Variants in CA10 observed in about 807,000 individuals in gnomAD.
The protein encoded by CA10 is carbonic anhydrase-related protein 10.
Under a neutral mutation model 44.2 loss-of-function variants are expected in CA10, and 14 were observed. The observed-to-expected ratio is 0.32, with a 90% CI of 0.21 to 0.50. The LOEUF (loss-of-function observed/expected upper bound fraction) is 0.50. Ranked by LOEUF, CA10 falls within the 20% of genes least tolerant of loss-of-function variation. The pLI, the probability that CA10 is intolerant of heterozygous loss-of-function variation, is 0.99. For synonymous variants in CA10, 159 were observed against 141.6 expected, an observed-to-expected ratio of 1.12 and a Z score of -0.87; for missense variants, 350 against 409.7, an observed-to-expected ratio of 0.85 and a Z score of 1.26.
chr17:51,748,008 A>G (rs1015799450), intron 3 of CA10, among the ~76,000 whole-genome samples, 190 bp from the exon 4 acceptor site: 3 of 152,230 alleles, frequency 2.0e-5, no homozygotes, highest in Non-Finnish European at 4.4e-5. Context: ...TCTGTGAGGC[A>G]TAAACCACAT....
chr17:52,135,314 A>T (rs558083864), intron 1 of CA10, among the ~76,000 whole-genome samples: 63 of 152,210 alleles, frequency 4.1e-4, no homozygotes, highest in Admixed American at 3.7e-3. Flanking sequence ...CTGAGAAAAG[A>T]CCACTGACCA....
intron 3 of CA10, among the ~76,000 whole-genome samples, chr17:51,771,326 T>A (rs577171252): frequency 6.6e-6 from 1 of 152,150 alleles, no homozygotes; most frequent in African/African-American, 2.4e-5. Context: ...AATGTTACAC[T>A]TGTTTTATAG....
At chr17:52,082,652 T>A (rs1298678975) in intron 1 of CA10, among the ~76,000 whole-genome samples, 14 of 152,198 alleles carry the variant, frequency 9.2e-5, no homozygotes, top group Non-Finnish European at 1.8e-4. Flanking sequence ...GTAAAAAATG[T>A]TATAACAATC....
At chr17:51,650,311 CAG>C (rs1489987159) in intron 5 of CA10, among the ~76,000 whole-genome samples, 1 of 152,170 alleles carries the variant, frequency 6.6e-6, no homozygotes, top group Non-Finnish European at 1.5e-5. Context: ...ATTTATGTCT[CAG>C]TGGCTAATCG....
At chr17:51,950,935 C>A (rs1000548701) in intron 2 of CA10, among the ~76,000 whole-genome samples, 6 of 152,086 alleles carry the variant, frequency 3.9e-5, no homozygotes, top group Non-Finnish European at 8.8e-5. Flanking sequence ...TTAGTAGGCA[C>A]CCAGGTACCT....
Position 51,631,444 on chromosome 17 carries a change from C to T in CA10, c.*140G>A. 1.2e-6 allele frequency: 1 copy of T among 809,218 alleles called. No individual in the cohort carries two copies. Among genetic ancestry groups the T allele is most frequent in the Non-Finnish European group, 2.1e-6 (1 of 470,870 alleles). 50.1% of individuals were successfully genotyped at this position (809,218 alleles called of 1,614,324 possible). A position where few individuals can be genotyped will look rare whatever the true frequency, so the allele number is the denominator to read the frequency against. On this transcript the variant is annotated 3_prime_UTR_variant, in exon 9 of 9. Transcript: ENST00000451037. ...CTGCCATGGTTTTGCAGACACTTTTCATGAAGAAAGGGCCAATCCCAAGAA... is the reference window on the plus strand; with the variant it reads ...CTGCCATGGTTTTGCAGACACTTTTTATGAAGAAAGGGCCAATCCCAAGAA...
intron 2 of CA10, among the ~76,000 whole-genome samples, chr17:52,010,535 AC>A (rs1985754207): frequency 6.6e-6 from 1 of 151,902 alleles, no homozygotes; most frequent in African/African-American, 2.4e-5. Flanking sequence ...GGAAAACCAA[AC>A]ATAGTATGTT....
chr17:51,848,194 T>C (rs1258181473), intron 3 of CA10, among the ~76,000 whole-genome samples: 3 of 152,162 alleles, frequency 2.0e-5, no homozygotes, highest in African/African-American at 7.2e-5. Context: ...CAGCTCTTCA[T>C]TTGGTTGATG....
chr17:52,083,156 A>G (rs1170363304), intron 1 of CA10, among the ~76,000 whole-genome samples: 1 of 152,204 alleles, frequency 6.6e-6, no homozygotes, highest in Non-Finnish European at 1.5e-5. Context: ...TCAATGGGTC[A>G]GTCAATTGTG....
intron 3 of CA10, among the ~76,000 whole-genome samples, chr17:51,751,549 T>A (rs1352388976): frequency 6.6e-6 from 1 of 152,234 alleles, no homozygotes; most frequent in Non-Finnish European, 1.5e-5. Context: ...TCTTGGCTAT[T>A]ATGGCATGGG....
chr17:51,848,409 C>T (rs1978594893), intron 3 of CA10, among the ~76,000 whole-genome samples: 1 of 152,112 alleles, frequency 6.6e-6, no homozygotes, highest in Non-Finnish European at 1.5e-5. Context: ...CTAATTGTGC[C>T]TAAATTGGTC....
At chr17:52,115,779 A>G (rs1456288508) in intron 1 of CA10, among the ~76,000 whole-genome samples, 1 of 152,142 alleles carries the variant, frequency 6.6e-6, no homozygotes, top group Non-Finnish European at 1.5e-5. Flanking sequence ...CAAGGGGTCC[A>G]CCTCAGTCCA....
chr17:51,821,934 C>T (rs902784284), intron 3 of CA10, among the ~76,000 whole-genome samples: 3 of 152,012 alleles, frequency 2.0e-5, no homozygotes, highest in African/African-American at 7.2e-5. Flanking sequence ...ACTAGTATGA[C>T]CTGTGGTCAC....
intron 4 of CA10, among the ~76,000 whole-genome samples, chr17:51,680,964 C>T (rs1471290090): frequency 6.6e-6 from 1 of 152,114 alleles, no homozygotes; most frequent in Non-Finnish European, 1.5e-5. Flanking sequence ...GAGTACAAAT[C>T]CAAAGAGAAT....
At chr17:52,094,009 C>T (rs1382315879) in intron 1 of CA10, among the ~76,000 whole-genome samples, 1 of 152,092 alleles carries the variant, frequency 6.6e-6, no homozygotes, top group African/African-American at 2.4e-5. Context: ...ATGGATGAAG[C>T]TGGAAACCAT....
chr17:52,083,813 T>C (rs749245136), intron 1 of CA10, among the ~76,000 whole-genome samples: 6 of 152,234 alleles, frequency 3.9e-5, no homozygotes, highest in Admixed American at 2.0e-4. Context: ...CACTTACCCA[T>C]TGATAGAGAC....
chr17:51,900,242 G>A (rs547624859), intron 3 of CA10, among the ~76,000 whole-genome samples: 15 of 152,162 alleles, frequency 9.9e-5, no homozygotes, highest in African/African-American at 3.1e-4. Context: ...AATTCCCTTA[G>A]CATTTACTTG....
chr17:51,697,961 C>T (rs141565466), intron 4 of CA10, among the ~76,000 whole-genome samples: 1 of 152,292 alleles, frequency 6.6e-6, no homozygotes, highest in African/African-American at 2.4e-5. Flanking sequence ...GATGTCTCCT[C>T]CAGTCATTTA....
At chr17:52,086,922 C>T (rs2143194966) in intron 1 of CA10, among the ~76,000 whole-genome samples, 1 of 152,220 alleles carries the variant, frequency 6.6e-6, no homozygotes, top group African/African-American at 2.4e-5. Context: ...AGGTTTCTAC[C>T]AGATTATCCA....
Sources: allele counts gnomAD v4.1 joint callset (sites outside exome capture counted in the v4.1 genomes callset), GRCh38; gene constraint gnomAD v4.1.1; transcripts MANE v1.5; gene names NCBI Gene and HGNC (gene_info 2026-07-23, HGNC 2026-07-21).